HNRNPM: variants seen among roughly 807,000 people sequenced by gnomAD.
HNRNPM encodes heterogeneous nuclear ribonucleoprotein M.
HNRNPM carries 11 observed loss-of-function variants against 73.1 expected under a neutral mutation model. The ratio of observed to expected loss-of-function variants is 0.15; its 90% confidence interval spans 0.09 to 0.25. The LOEUF (loss-of-function observed/expected upper bound fraction) is 0.25. Among genes scored for constraint, HNRNPM ranks in the 10% least tolerant of loss-of-function variants. HNRNPM has a pLI of 1.00. For synonymous variants in HNRNPM, 407 were observed against 355.2 expected, an observed-to-expected ratio of 1.15 and a Z score of -1.64; for missense variants, 789 against 1,067.9, an observed-to-expected ratio of 0.74 and a Z score of 3.64.
At position 8,468,793 on chromosome 19, in the gene HNRNPM, A is replaced by C; in HGVS notation, c.854A>C (p.Lys285Thr). The C allele has an allele frequency of 6.2e-7, 1 of 1,613,754 alleles. No homozygotes were observed. Among genetic ancestry groups the C allele is most frequent in the Non-Finnish European group, 8.5e-7 (1 of 1,179,700 alleles). The change falls in exon 9 of 16, where the codon AAA becomes ACA. Residue 285 changes from lysine to threonine, a missense_variant. Lys to Thr is a moderately conservative substitution (Grantham distance 78). Transcript: ENST00000325495. ...TTTCAGGATGAGAGGGCCTTACCAA[A>C]AGGAGATTTCTTCCCTCCTGAGCGT... Reference protein sequence around the residue: ...HVKMDERALPKGDFFPPERPQ... With the variant: ...HVKMDERALPTGDFFPPERPQ...
rs35997839 is a variant in HNRNPM, at chr19:8,488,675, TC to T, written c.2030-13del. 6.2e-7 allele frequency: 1 copy of T among 1,601,430 alleles called. No individual in the cohort carries two copies. Among genetic ancestry groups the T allele is most frequent in the Non-Finnish European group, 8.5e-7 (1 of 1,172,170 alleles). On this transcript the variant is annotated splice_polypyrimidine_tract_variant and intron_variant, in intron 15 of 15. Transcript: ENST00000325495. ...ATCGGGACTGAGTGTCGTCTCTTCT[TC>T]CCTCCCTGTCCTAGGCCACGTGCTG...
chr19:8,459,086 G>T (rs946316770), intron 2 of HNRNPM, among the ~76,000 whole-genome samples: 2 of 151,986 alleles, frequency 1.3e-5, no homozygotes, highest in Admixed American at 1.3e-4. Context: ...CCACCACGCC[G>T]AGTTAATTTT....
intron 7 of HNRNPM, among the ~76,000 whole-genome samples, chr19:8,466,590 G>C (rs1360938434): frequency 6.6e-6 from 1 of 152,104 alleles, no homozygotes; most frequent in Non-Finnish European, 1.5e-5. Flanking sequence ...CACTTCGGGA[G>C]GCCAAGGCGG....
intron 13 of HNRNPM, among the ~76,000 whole-genome samples, chr19:8,483,685 A>G (rs1364882795): frequency 6.6e-6 from 1 of 152,232 alleles, no homozygotes; most frequent in Admixed American, 6.5e-5. Context: ...CTGAAACCCC[A>G]TCGCCCAGTG....
rs753542119 is a variant in HNRNPM, at chr19:8,466,307, A to G, written c.703A>G (p.Ile235Val). 5 of 1,614,184 alleles carry G rather than the reference A, an allele frequency of 3.1e-6. No homozygotes were observed. Among genetic ancestry groups the G allele is most frequent in the Admixed American group, 1.7e-5 (1 of 60,024 alleles). Residue 235 changes from isoleucine to valine, a missense_variant, in exon 7 of 16, where the codon ATT becomes GTT. This residue lies in a region of HNRNPM where 604 missense variants were observed against 744.0 expected (regional missense o/e 0.81). Coordinates refer to ENST00000325495, the MANE Select transcript of HNRNPM (RefSeq NM_005968.5). ...GGCTGGTGTGGTGGTCCGAGCAGAC[A>G]TTCTTGAAGATAAAGATGGAAAAAG... The part of the protein sequence containing the change: ...SMAGVVVRAD[I>V]LEDKDGKSRG...
intron 1 of HNRNPM, among the ~76,000 whole-genome samples, chr19:8,449,458 A>G (rs1968459241): frequency 2.6e-5 from 4 of 152,182 alleles, no homozygotes; most frequent in Admixed American, 2.6e-4. Flanking sequence ...CTAGGAGTGA[A>G]TCAGTCCCCC....
In HNRNPM at chr19:8,487,085, G is replaced by A; in HGVS notation, c.2029+10G>A. On this transcript the variant is annotated intron_variant, in intron 15 of 15. Coordinates refer to ENST00000325495, the MANE Select transcript of HNRNPM (RefSeq NM_005968.5). Reference sequence around the variant, plus strand: ...AAATTCAACGAGTGCGGTAAGTGTTGGGAACGGCTTTGTAGGTGCTTCCCT... The same window carrying A: ...AAATTCAACGAGTGCGGTAAGTGTTAGGAACGGCTTTGTAGGTGCTTCCCT... The A allele has an allele frequency of 6.2e-7, 1 of 1,611,642 alleles. No homozygotes were observed. Among genetic ancestry groups the A allele is most frequent in the Non-Finnish European group, 8.5e-7 (1 of 1,177,734 alleles).
In HNRNPM at chr19:8,486,497, T is replaced by A. The variant is rs1599862088; in HGVS notation, c.1977+92T>A. ...CAGGATGAAGTCAGAGGTGGCGCCC[T>A]TCAAAGGGGACCACACCTCCTTGCC... On this transcript the variant is annotated intron_variant, in intron 14 of 15. Transcript: ENST00000325495. The A allele has an allele frequency of 1.6e-5, 18 of 1,099,884 alleles. No individual in the cohort carries two copies. In the East Asian group the frequency reaches 4.1e-4, roughly 25 times the overall value. 68.1% of individuals were successfully genotyped at this position (1,099,884 alleles called of 1,614,324 possible).
At chr19:8,454,949 G>C (rs1265046894) in intron 1 of HNRNPM, among the ~76,000 whole-genome samples, 1 of 152,050 alleles carries the variant, frequency 6.6e-6, no homozygotes, top group Non-Finnish European at 1.5e-5. Flanking sequence ...GAGTTTGAAT[G>C]TCTTAATTCA....
intron 1 of HNRNPM, among the ~76,000 whole-genome samples, chr19:8,453,539 A>G (rs1968778645): frequency 6.6e-6 from 1 of 152,190 alleles, no homozygotes; most frequent in Non-Finnish European, 1.5e-5. Flanking sequence ...TCGGCTCTTC[A>G]GTTAAAGATA....
intron 1 of HNRNPM, among the ~76,000 whole-genome samples, chr19:8,452,908 A>G (rs898786361): frequency 6.7e-6 from 1 of 149,384 alleles, no homozygotes; most frequent in African/African-American, 2.5e-5. Context: ...TGGTGCAATC[A>G]TAGTTCACTG....
At position 8,474,264 on chromosome 19, in the gene HNRNPM, C is replaced by A. The variant is rs771111024; in HGVS notation, c.1120+20C>A. 1.5e-5 allele frequency: 23 copies of A among 1,547,082 alleles called. No homozygotes were observed. Among genetic ancestry groups the A allele is most frequent in the South Asian group, 4.9e-5 (4 of 82,424 alleles). The stretch of plus-strand genomic sequence containing the variant: ...TAAATGGTAAGCATCGTGTTTTCTT[C>A]CTGCTTTCACTCACCCTTTGCCGGC... On this transcript the variant is annotated intron_variant, in intron 12 of 15. Transcript: ENST00000325495.
intron 13 of HNRNPM, 59 bp from the exon 14 acceptor site, chr19:8,485,544 T>G: frequency 6.6e-7 from 1 of 1,515,892 alleles, no homozygotes; most frequent in Non-Finnish European, 9.0e-7. Context: ...GTCTGGCGTG[T>G]TGTGCACACG....
chr19:8,445,135 C>T (rs778829670), intron 1 of HNRNPM, 24 bp downstream of exon 1: 3 of 1,380,816 alleles, frequency 2.2e-6, no homozygotes, highest in South Asian at 3.4e-5. Context: ...GGTCCTTTGC[C>T]ACGGGTAAGG....
At chr19:8,447,193 T>C (rs1968249170) in intron 1 of HNRNPM, among the ~76,000 whole-genome samples, 1 of 151,822 alleles carries the variant, frequency 6.6e-6, no homozygotes, top group South Asian at 2.1e-4. Context: ...AGTCTAGTAC[T>C]AGCTTCATAG....
chr19:8,456,662 T>C (rs1246102974), intron 2 of HNRNPM, among the ~76,000 whole-genome samples: 1 of 152,182 alleles, frequency 6.6e-6, no homozygotes, highest in Non-Finnish European at 1.5e-5. Flanking sequence ...CTGCATTGGA[T>C]TTTGAAATTA....
At chr19:8,475,468 A>G (rs1218928268) in intron 12 of HNRNPM, among the ~76,000 whole-genome samples, 3 of 152,230 alleles carry the variant, frequency 2.0e-5, no homozygotes, top group African/African-American at 4.8e-5. Context: ...CGGGTCTGCC[A>G]TAACAAAGGA....
At chr19:8,452,254 A>G (rs1968682246) in intron 1 of HNRNPM, among the ~76,000 whole-genome samples, 1 of 152,248 alleles carries the variant, frequency 6.6e-6, no homozygotes, top group African/African-American at 2.4e-5. Flanking sequence ...CAGTCTGGTG[A>G]AAGACTGGAA....
chr19:8,451,401 C>T (rs1430716034), intron 1 of HNRNPM, among the ~76,000 whole-genome samples: 2 of 152,128 alleles, frequency 1.3e-5, no homozygotes, highest in Non-Finnish European at 2.9e-5. Context: ...TATACATGGA[C>T]TAGAGAAGAA....
Sources: allele counts gnomAD v4.1 joint callset (sites outside exome capture counted in the v4.1 genomes callset), GRCh38; gene constraint gnomAD v4.1.1; regional missense constraint gnomAD v4.1.1; transcripts MANE v1.5; gene names NCBI Gene and HGNC (gene_info 2026-07-23, HGNC 2026-07-21).